NTNG1: variants seen among roughly 807,000 people sequenced by gnomAD.
NTNG1 encodes the protein netrin G1.
A neutral mutation model predicts 54.0 loss-of-function variants in NTNG1; 16 were observed. The observed-to-expected ratio is 0.30, with a 90% CI of 0.20 to 0.45. NTNG1 has a LOEUF of 0.45. NTNG1 is among the 20% of genes least tolerant of loss of function. NTNG1 has a pLI of 1.00. For missense variants in NTNG1, 530 were observed against 678.7 expected (o/e 0.78, Z 2.43); for synonymous variants, 255 against 263.1 (o/e 0.97, Z 0.30).
chr1:107,253,839 T>C (rs1209407055), intron 2 of NTNG1, among the ~76,000 whole-genome samples: 3 of 152,264 alleles, frequency 2.0e-5, no homozygotes, highest in Admixed American at 2.0e-4. Flanking sequence ...AGTATTCTTT[T>C]AAACTGGTTA....
chr1:107,399,113 T>A (rs1672864303), intron 4 of NTNG1, among the ~76,000 whole-genome samples: 1 of 116,692 alleles, frequency 8.6e-6, no homozygotes, highest in Admixed American at 8.9e-5. Context: ...AAATGCTGTA[T>A]ACTATAGACT....
intron 2 of NTNG1, among the ~76,000 whole-genome samples, chr1:107,275,800 C>A (rs1452134402): frequency 6.6e-6 from 1 of 152,272 alleles, no homozygotes; most frequent in Non-Finnish European, 1.5e-5. Context: ...TACAAAAATA[C>A]CCTCACAGAC....
chr1:107,340,380 A>C (rs990111986), intron 3 of NTNG1, among the ~76,000 whole-genome samples: 8 of 152,074 alleles, frequency 5.3e-5, no homozygotes, highest in Admixed American at 1.3e-4. Flanking sequence ...TGAAAGGCTC[A>C]ATTTTCAATG....
chr1:107,208,581 CTT>C lies in NTNG1; in HGVS notation c.246+59744_246+59745del, dbSNP rs374598247. Among the ~76,000 whole-genome samples, 61 of 152,286 alleles carry C rather than the reference CTT, an allele frequency of 4.0e-4. No individual in the cohort carries two copies. The East Asian group carries it at 0.011, about 28-fold the overall frequency. On this transcript the variant is annotated intron_variant, in intron 2 of 7. Transcript: ENST00000370068. ...TCACTGAGTTTCTAATGAAGGAACT[CTT>C]TCGTTTTCCATCTGTTGTCCCTGTC...
chr1:107,318,048 G>C (rs903500678), intron 2 of NTNG1, among the ~76,000 whole-genome samples: 1 of 152,170 alleles, frequency 6.6e-6, no homozygotes, highest in African/African-American at 2.4e-5. Flanking sequence ...CAGTCCCATA[G>C]TATTTAGGAT....
chr1:107,397,217 A>G (rs1323973372), intron 4 of NTNG1, among the ~76,000 whole-genome samples: 2 of 152,124 alleles, frequency 1.3e-5, no homozygotes, highest in Non-Finnish European at 2.9e-5. Context: ...TTCCTCATTG[A>G]TGTTAAAATA....
intron 7 of NTNG1, among the ~76,000 whole-genome samples, chr1:107,473,384 A>C (rs1197640389): frequency 1.3e-5 from 2 of 152,196 alleles, no homozygotes; most frequent in Non-Finnish European, 2.9e-5. Context: ...CCCTCAGCTC[A>C]TAAAAGATAA....
chr1:107,189,306 A>G (rs1657709945), intron 2 of NTNG1, among the ~76,000 whole-genome samples: 1 of 147,932 alleles, frequency 6.8e-6, no homozygotes, highest in Non-Finnish European at 1.5e-5. Flanking sequence ...AACCGAGATC[A>G]GGCCACTGCA....
chr1:107,348,486 A>G (rs1485413595), intron 3 of NTNG1, among the ~76,000 whole-genome samples: 2 of 151,966 alleles, frequency 1.3e-5, no homozygotes, highest in Admixed American at 1.3e-4. Context: ...ATATTAAGCC[A>G]TTTTCCTTAA....
At chr1:107,420,678 T>A (rs1478836312) in intron 5 of NTNG1, among the ~76,000 whole-genome samples, 1 of 151,958 alleles carries the variant, frequency 6.6e-6, no homozygotes, top group African/African-American at 2.4e-5. Context: ...ATAGTCTAAA[T>A]GGTGTATATG....
chr1:107,217,312 G>A, intron 2 of NTNG1, among the ~76,000 whole-genome samples: 1 of 152,002 alleles, frequency 6.6e-6, no homozygotes, highest in East Asian at 1.9e-4. Flanking sequence ...ACTTCTAATT[G>A]AGCTTATTTG....
chr1:107,295,705 A>G (rs2101782020), intron 2 of NTNG1, among the ~76,000 whole-genome samples: 1 of 152,238 alleles, frequency 6.6e-6, no homozygotes, highest in South Asian at 2.1e-4. Flanking sequence ...AGCTATTGTT[A>G]TGAATGCATA....
rs112584361 is a variant in NTNG1, at chr1:107,340,978, G to C, written c.887+16056G>C. Among the ~76,000 whole-genome samples the C allele has an allele frequency of 6.4e-3, 973 of 152,090 alleles. 13 individuals carry two copies. The highest frequency in any genetic ancestry group is 0.022 in the African/African-American group (933 of 41,502). ...TTACCATGAGGCTCACGAAATGGTA[G>C]CTACAATGAATATTGTGACTTTGAA... is the stretch of plus-strand genomic sequence containing the variant. On this transcript the variant is annotated intron_variant, in intron 3 of 7. Transcript: ENST00000370068.
chr1:107,420,686 A>G (rs928541143), intron 5 of NTNG1, among the ~76,000 whole-genome samples: 1 of 151,994 alleles, frequency 6.6e-6, no homozygotes, highest in African/African-American at 2.4e-5. Flanking sequence ...AATGGTGTAT[A>G]TGTCGAATAG....
chr1:107,143,880 T>A (rs1026092566), intron 1 of NTNG1, among the ~76,000 whole-genome samples: 2 of 152,106 alleles, frequency 1.3e-5, no homozygotes. Flanking sequence ...ACATGTGCTA[T>A]CTAATTTCTT....
At chr1:107,449,323 T>C (rs1261352979) in intron 7 of NTNG1, among the ~76,000 whole-genome samples, 1 of 151,994 alleles carries the variant, frequency 6.6e-6, no homozygotes, top group Non-Finnish European at 1.5e-5. Flanking sequence ...CCAACCTTCT[T>C]AAGTGTGATT....
chr1:107,271,274 G>A (rs928798144), intron 2 of NTNG1, among the ~76,000 whole-genome samples: 25 of 152,046 alleles, frequency 1.6e-4, no homozygotes, highest in African/African-American at 6.0e-4. Flanking sequence ...ACGTATACAT[G>A]TGCCATGCTG....
At chr1:107,186,645 C>T (rs1453524918) in intron 2 of NTNG1, among the ~76,000 whole-genome samples, 1 of 152,118 alleles carries the variant, frequency 6.6e-6, no homozygotes, top group Admixed American at 6.6e-5. Context: ...TCAAATTGTT[C>T]CTGGACCAAG....
intron 2 of NTNG1, among the ~76,000 whole-genome samples, chr1:107,319,152 C>T (rs1381981930): frequency 2.0e-5 from 3 of 152,142 alleles, no homozygotes; most frequent in African/African-American, 7.2e-5. Context: ...GACCTGTGAA[C>T]ATCAGCTCCC....
Sources: gnomAD v4.1 joint callset for allele counts (sites outside exome capture counted in the v4.1 genomes callset) on GRCh38, gnomAD v4.1.1 for gene constraint, MANE v1.5 for transcripts, NCBI Gene and HGNC (gene_info 2026-07-23, HGNC 2026-07-21) for gene names.